Variants in C8orf76 observed in about 807,000 individuals in gnomAD.
C8orf76 encodes chromosome 8 open reading frame 76.
A neutral mutation model predicts 38.1 loss-of-function variants in C8orf76; 46 were observed. That is an observed-to-expected ratio of 1.21 (90% CI 0.95 to 1.54). The LOEUF (loss-of-function observed/expected upper bound fraction) is 1.54, where lower values mean the gene tolerates loss of function less well. Ranked by LOEUF, C8orf76 falls within the 40% of genes most tolerant of loss-of-function variation. The probability of loss-of-function intolerance (pLI) is 0.00; values close to 1 mark genes in which losing one functional copy is unlikely to be tolerated. For missense variants in C8orf76, 461 were observed against 441.6 expected (o/e 1.04, Z -0.39); for synonymous variants, 166 against 167.5 (o/e 0.99, Z 0.07).
At chr8:123,224,487 C>T (rs747768098) in intron 5 of C8orf76, among the ~76,000 whole-genome samples, 17 of 152,140 alleles carry the variant, frequency 1.1e-4, no homozygotes, top group Non-Finnish European at 2.1e-4. Context: ...TGGTGGGTGC[C>T]TGTAATCCTA....
chr8:123,227,884 T>A (rs553210713), intron 4 of C8orf76, among the ~76,000 whole-genome samples: 2 of 152,308 alleles, frequency 1.3e-5, no homozygotes, highest in South Asian at 4.1e-4. Flanking sequence ...TCTGCTTCAG[T>A]CTGACCTGTT....
At chr8:123,236,382 A>C (rs1444953485) in intron 3 of C8orf76, among the ~76,000 whole-genome samples, 2 of 152,228 alleles carry the variant, frequency 1.3e-5, no homozygotes, top group Non-Finnish European at 2.9e-5. Flanking sequence ...ATAATGCCTT[A>C]ACCTAGAAAC....
At chr8:123,230,279 G>A (rs893099561) in intron 4 of C8orf76, among the ~76,000 whole-genome samples, 3 of 152,134 alleles carry the variant, frequency 2.0e-5, no homozygotes, top group Non-Finnish European at 4.4e-5. Flanking sequence ...ATTCTCTGTA[G>A]AATGAATTAA....
In C8orf76 at chr8:123,236,102, A is replaced by G. The variant is rs987275686; in HGVS notation, c.357+1696T>C. On this transcript the variant is annotated intron_variant, in intron 3 of 5. Transcript: ENST00000276704. ...CACAGCTGTTTTCCATGTTCTTAGA[A>G]CAATTACTGCCAAAGTTTCCTCGAA... 3.9e-5 allele frequency among the ~76,000 whole-genome samples: 6 copies of G among 152,248 alleles called. No homozygotes were observed. The South Asian group carries it at 1.2e-3, about 31-fold the overall frequency.
At chr8:123,237,109 C>G in intron 3 of C8orf76, 4 of 994,798 alleles carry the variant, frequency 4.0e-6, no homozygotes, top group South Asian at 2.5e-5. Flanking sequence ...ACAACTACAA[C>G]AAGATGATCT....
intron 5 of C8orf76, among the ~76,000 whole-genome samples, chr8:123,223,552 G>A (rs1235925753): frequency 2.0e-5 from 3 of 152,192 alleles, no homozygotes; most frequent in African/African-American, 4.8e-5. Context: ...AGGCTGCAGT[G>A]AGCCGAGATA....
chr8:123,226,163 GA>G lies in C8orf76; in HGVS notation c.948+336del. ...TCACAAGCTGTTATGATGAATGGAG[GA>G]AAAAAAATAGAACTGCTACACAAAT... On this transcript the variant is annotated intron_variant, in intron 5 of 5. Coordinates refer to ENST00000276704, the MANE Select transcript of C8orf76 (RefSeq NM_032847.3). The G allele has an allele frequency of 1.9e-5, 21 of 1,090,130 alleles. No individual in the cohort carries two copies. The East Asian group carries it at 2.4e-4, about 12-fold the overall frequency. The allele number at this position is 1,090,130 out of a possible 1,614,324, so 67.5% of individuals were successfully genotyped here.
At chr8:123,239,246 GA>G (rs1184114938) in intron 1 of C8orf76, 102 bp from the exon 2 acceptor site, 2 of 1,295,628 alleles carry the variant, frequency 1.5e-6, no homozygotes, top group Non-Finnish European at 2.2e-6. Context: ...GTCAAAAAAA[GA>G]CTTCTTCAAG....
intron 4 of C8orf76, 140 bp downstream of exon 4, chr8:123,231,160 A>G: frequency 1.9e-6 from 2 of 1,069,080 alleles, no homozygotes; most frequent in Non-Finnish European, 2.6e-6. Context: ...TAGAATGACA[A>G]ACGTTCAACA....
chr8:123,231,025 T>C (rs1825244376), intron 4 of C8orf76, among the ~76,000 whole-genome samples: 1 of 152,168 alleles, frequency 6.6e-6, no homozygotes, highest in South Asian at 2.1e-4. Context: ...CTCAAATTCG[T>C]GAGCTCAAAC....
chr8:123,224,828 T>C (rs759461747), intron 5 of C8orf76, among the ~76,000 whole-genome samples: 28 of 152,106 alleles, frequency 1.8e-4, no homozygotes, highest in Non-Finnish European at 3.2e-4. Flanking sequence ...GAACCTAGTA[T>C]CTAGTTGAAA....
At chr8:123,228,306 G>A (rs1176738111) in intron 4 of C8orf76, among the ~76,000 whole-genome samples, 1 of 151,804 alleles carries the variant, frequency 6.6e-6, no homozygotes, top group African/African-American at 2.4e-5. Context: ...ATCCAGCATC[G>A]CAGTCACCAG....
chr8:123,233,172 C>T (rs1414026246), intron 3 of C8orf76, among the ~76,000 whole-genome samples: 1 of 152,062 alleles, frequency 6.6e-6, no homozygotes, highest in African/African-American at 2.4e-5. Context: ...GGGTGCCTGC[C>T]ACCACACCCA....
intron 5 of C8orf76, among the ~76,000 whole-genome samples, chr8:123,221,398 C>G (rs572381735): frequency 1.3e-5 from 2 of 152,178 alleles, no homozygotes; most frequent in Admixed American, 1.3e-4. Flanking sequence ...AGTTAGAGAA[C>G]GGCCAGGGCA....
rs138996129 is a variant in C8orf76 at position 123,241,038 on chromosome 8, C to T, written c.117+192G>A. Among the ~76,000 whole-genome samples, 246 of 152,326 alleles carry T rather than the reference C, an allele frequency of 1.6e-3. 1 individual carries two copies. Among genetic ancestry groups the T allele is most frequent in the African/African-American group, 5.8e-3 (242 of 41,580 alleles). ...GCCGCTTACAACGCGGGGATTCTCG[C>T]CCATGGACCCGGAATGGGGCCTGGG... On this transcript the variant is annotated intron_variant, in intron 1 of 5. Coordinates refer to ENST00000276704, the MANE Select transcript of C8orf76 (RefSeq NM_032847.3).
intron 1 of C8orf76, 87 bp downstream of exon 1, chr8:123,241,143 G>C: frequency 3.7e-6 from 5 of 1,353,586 alleles, no homozygotes; most frequent in Non-Finnish European, 4.8e-6. Context: ...GCGTTCGCGC[G>C]GACGGAGGGG....
At chr8:123,238,858 C>G (rs1825587103) in intron 2 of C8orf76, 191 bp downstream of exon 2, 1 of 543,470 alleles carries the variant, frequency 1.8e-6, no homozygotes, top group Admixed American at 3.2e-5. Flanking sequence ...GTTGGAGTTA[C>G]AGAAAACAAA....
chr8:123,239,216 C>A, intron 1 of C8orf76, 72 bp from the exon 2 acceptor site: 1 of 1,493,612 alleles, frequency 6.7e-7, no homozygotes, highest in South Asian at 1.1e-5. Flanking sequence ...AGCAATTTCC[C>A]ATAATATAAT....
Position 123,241,361 on chromosome 8 carries a change from G to A in C8orf76, c.-15C>T, listed in dbSNP as rs774736327. ...CCGGAATCCATCTCGCGCCCGCGGC[G>A]GGGGCAACGAGGAAGCGGGGCCCGC... On this transcript the variant is annotated 5_prime_UTR_variant, in exon 1 of 6. Transcript: ENST00000276704. 16 of 1,545,632 alleles carry A rather than the reference G, an allele frequency of 1.0e-5. No homozygotes were observed. In the South Asian group the frequency reaches 1.7e-4, roughly 16 times the overall value.
Sources: gnomAD v4.1 joint callset for allele counts (sites outside exome capture counted in the v4.1 genomes callset) on GRCh38, gnomAD v4.1.1 for gene constraint, MANE v1.5 for transcripts, NCBI Gene and HGNC (gene_info 2026-07-23, HGNC 2026-07-21) for gene names.